CTNNA3: variants seen among roughly 807,000 people sequenced by gnomAD.
The protein encoded by CTNNA3 is catenin alpha-3.
Under a neutral mutation model 95.7 loss-of-function variants are expected in CTNNA3, and 76 were observed. The ratio of observed to expected loss-of-function variants is 0.79; its 90% confidence interval spans 0.66 to 0.96. CTNNA3 has a LOEUF of 0.96. CTNNA3 is among the 40% of genes least tolerant of loss of function. CTNNA3 has a pLI of 0.00. For missense variants in CTNNA3, 1,191 were observed against 1,089.8 expected, an observed-to-expected ratio of 1.09 and a Z score of -1.31; for synonymous variants, 431 against 374.4, an observed-to-expected ratio of 1.15 and a Z score of -1.74.
At chr10:65,990,327 C>T (rs527261808) in intron 15 of CTNNA3, among the ~76,000 whole-genome samples, 6 of 150,814 alleles carry the variant, frequency 4.0e-5, no homozygotes, top group South Asian at 2.1e-4. Context: ...AATGGCTGTA[C>T]TAGTTTACAT....
intron 15 of CTNNA3, among the ~76,000 whole-genome samples, chr10:66,040,052 A>G (rs2079653234): frequency 6.6e-6 from 1 of 152,210 alleles, no homozygotes; most frequent in Non-Finnish European, 1.5e-5. Context: ...ACCCCATATA[A>G]AAATAGGCAA....
chr10:67,219,192 T>C (rs1864531384), intron 6 of CTNNA3, among the ~76,000 whole-genome samples: 1 of 152,346 alleles, frequency 6.6e-6, no homozygotes, highest in Middle Eastern at 3.4e-3. Context: ...ACAGTGTTTA[T>C]TGGTTTTATT....
At chr10:67,431,677 T>C (rs531295412) in intron 5 of CTNNA3, among the ~76,000 whole-genome samples, 2 of 152,130 alleles carry the variant, frequency 1.3e-5, no homozygotes, top group East Asian at 1.9e-4. Flanking sequence ...ATTCTTATTA[T>C]ATTAAATACC....
chr10:67,009,909 C>T lies in CTNNA3; in HGVS notation c.1047+170408G>A, dbSNP rs569556814. Among the ~76,000 whole-genome samples, 7 of 152,272 alleles carry T rather than the reference C, an allele frequency of 4.6e-5. No homozygotes were observed. In the South Asian group the frequency reaches 1.5e-3, roughly 32 times the overall value. ...TGTCTCTTCTTCCTTCTTCACTCCT[C>T]TTCATCTCTGGCATTCTCTGGTTCT... On this transcript the variant is annotated intron_variant, in intron 7 of 17. Coordinates refer to ENST00000433211, the MANE Select transcript of CTNNA3 (RefSeq NM_013266.4).
chr10:66,032,860 T>G (rs1454985990), intron 15 of CTNNA3, among the ~76,000 whole-genome samples: 1 of 152,188 alleles, frequency 6.6e-6, no homozygotes, highest in Non-Finnish European at 1.5e-5. Context: ...AATGGCCTGG[T>G]GTAGTTGGTG....
intron 16 of CTNNA3, 51 bp downstream of exon 16, chr10:65,988,641 C>A: frequency 7.0e-7 from 1 of 1,435,448 alleles, no homozygotes; most frequent in Non-Finnish European, 9.8e-7. Flanking sequence ...GTTCTAATGG[C>A]AAAGAGCAAT....
chr10:66,665,891 C>T (rs555214091), intron 9 of CTNNA3, among the ~76,000 whole-genome samples: 101 of 152,242 alleles, frequency 6.6e-4, no homozygotes, highest in African/African-American at 1.9e-3. Context: ...TATTACAACT[C>T]AAGGGCCAAA....
At position 65,919,527 on chromosome 10, in the gene CTNNA3, T is replaced by A. The variant is rs2077050434; in HGVS notation, c.*803A>T. 6.6e-6 allele frequency: 1 copy of A among 152,194 alleles called. No individual in the cohort carries two copies. The highest frequency in any genetic ancestry group is 2.4e-5 in the African/African-American group (1 of 41,458). The allele number at this position is 152,194 out of a possible 1,614,324, so 9.4% of individuals were successfully genotyped here. On this transcript the variant is annotated 3_prime_UTR_variant, in exon 18 of 18. Transcript: ENST00000433211. ...ACTCACTTTGGGATATAGTTTGTTGTCTCATTTTCCCAATGGGTGATAACT... is the reference window on the plus strand; with the variant it reads ...ACTCACTTTGGGATATAGTTTGTTGACTCATTTTCCCAATGGGTGATAACT...
chr10:67,505,876 T>C (rs940689587), intron 5 of CTNNA3, among the ~76,000 whole-genome samples: 5 of 152,210 alleles, frequency 3.3e-5, no homozygotes, highest in Middle Eastern at 3.2e-3. Context: ...AGAATTTATA[T>C]AGAGAATTTT....
At chr10:67,353,406 C>T (rs186104721) in intron 5 of CTNNA3, among the ~76,000 whole-genome samples, 1 of 151,954 alleles carries the variant, frequency 6.6e-6, no homozygotes, top group Non-Finnish European at 1.5e-5. Flanking sequence ...ACTCCCTAAA[C>T]TTTAATTCAG....
chr10:67,630,647 T>C (rs527675097), intron 2 of CTNNA3, among the ~76,000 whole-genome samples: 2 of 152,186 alleles, frequency 1.3e-5, no homozygotes, highest in South Asian at 2.1e-4. Context: ...GGAGACACTA[T>C]GGAGGTAGAA....
chr10:66,240,931 A>G (rs10822770), intron 13 of CTNNA3, among the ~76,000 whole-genome samples: 122,728 of 151,988 alleles, frequency 0.81, 49,899 homozygotes, highest in South Asian at 0.94. Flanking sequence ...CGTTTAGTCA[A>G]GGAGAAAATA....
intron 5 of CTNNA3, among the ~76,000 whole-genome samples, chr10:67,274,157 G>A (rs1343561320): frequency 1.3e-5 from 2 of 151,876 alleles, no homozygotes; most frequent in Non-Finnish European, 2.9e-5. Flanking sequence ...TGAACAAAGA[G>A]ATTCTCACAA....
intron 10 of CTNNA3, among the ~76,000 whole-genome samples, chr10:66,535,669 A>G (rs1246899836): frequency 2.6e-5 from 4 of 152,166 alleles, no homozygotes; most frequent in Non-Finnish European, 4.4e-5. Flanking sequence ...ATCAGACACT[A>G]TAGCTGCCTT....
chr10:66,383,807 A>C (rs1234870329), intron 11 of CTNNA3, among the ~76,000 whole-genome samples: 1 of 152,206 alleles, frequency 6.6e-6, no homozygotes, highest in Admixed American at 6.5e-5. Flanking sequence ...TTCTTAAAGA[A>C]AGGAATTTTC....
intron 7 of CTNNA3, among the ~76,000 whole-genome samples, chr10:66,909,550 T>G (rs759236236): frequency 1.3e-5 from 2 of 151,780 alleles, no homozygotes; most frequent in Non-Finnish European, 2.9e-5. Flanking sequence ...AATCACTACC[T>G]TCGGACACAA....
At chr10:67,533,308 A>C (rs1015327912) in intron 4 of CTNNA3, among the ~76,000 whole-genome samples, 1 of 151,588 alleles carries the variant, frequency 6.6e-6, no homozygotes, top group South Asian at 2.1e-4. Context: ...GTGCAAAAAG[A>C]GCAAATCTCT....
rs576527581 is a variant in CTNNA3, at chr10:66,845,485, C to T, written c.1048-69961G>A. ...TTGGGAGGCCGAGGCAGGTGGATCA[C>T]CTGAGGTCGGGAGTTCGAGACCAGC... On this transcript the variant is annotated intron_variant, in intron 7 of 17. Coordinates refer to ENST00000433211, the MANE Select transcript of CTNNA3 (RefSeq NM_013266.4). 2.0e-5 allele frequency among the ~76,000 whole-genome samples: 3 copies of T among 151,738 alleles called. No individual in the cohort carries two copies. In the South Asian group the frequency reaches 6.3e-4, roughly 32 times the overall value.
At chr10:67,523,146 C>T (rs1404148833) in intron 4 of CTNNA3, among the ~76,000 whole-genome samples, 3 of 152,110 alleles carry the variant, frequency 2.0e-5, no homozygotes, top group African/African-American at 7.2e-5. Flanking sequence ...TCCAAGGTGA[C>T]AGAGGGAAAA....
Sources: allele counts gnomAD v4.1 joint callset (sites outside exome capture counted in the v4.1 genomes callset), GRCh38; gene constraint gnomAD v4.1.1; transcripts MANE v1.5; gene names NCBI Gene and HGNC (gene_info 2026-07-23, HGNC 2026-07-21).